Variants in NFYA observed in about 807,000 individuals in gnomAD.
NFYA encodes the protein CAAT-box DNA binding protein subunit A.
A neutral mutation model predicts 52.8 loss-of-function variants in NFYA; 28 were observed. That is an observed-to-expected ratio of 0.53 (90% CI 0.39 to 0.73). The LOEUF (loss-of-function observed/expected upper bound fraction) is 0.73. NFYA is among the 30% of genes least tolerant of loss of function. The pLI, the probability that NFYA is intolerant of heterozygous loss-of-function variation, is 0.00. For synonymous variants in NFYA, 150 were observed against 150.7 expected (o/e 1.00, Z 0.03); for missense variants, 234 against 427.0 (o/e 0.55, Z 3.98).
rs1413147930 is a variant in NFYA at position 41,098,129 on chromosome 6, T to C, written c.*719T>C. 1 of 152,762 alleles carries C rather than the reference T, an allele frequency of 6.5e-6. No individual in the cohort carries two copies. The highest frequency in any genetic ancestry group is 1.5e-5 in the Non-Finnish European group (1 of 68,110). The allele number at this position is 152,762 out of a possible 1,614,324, so 9.5% of individuals were successfully genotyped here. A position where few individuals can be genotyped will look rare whatever the true frequency, so the allele number is the denominator to read the frequency against. On this transcript the variant is annotated 3_prime_UTR_variant, in exon 10 of 10. Transcript: ENST00000341376. ...AAGTTGTGGCCTGCTTGTCCCTCTG[T>C]TGACTGGTCATCTGGACCATCGTAC...
At chr6:41,079,232 G>T in intron 2 of NFYA, 68 bp downstream of exon 2, 1 of 1,443,784 alleles carries the variant, frequency 6.9e-7, no homozygotes, top group Non-Finnish European at 9.7e-7. Context: ...CAATTGGTTG[G>T]TCTATTGCCC....
chr6:41,077,470 A>AT (rs1474425899), intron 1 of NFYA, among the ~76,000 whole-genome samples: 1 of 152,066 alleles, frequency 6.6e-6, no homozygotes, highest in Non-Finnish European at 1.5e-5. Context: ...TCTTTTGGAG[A>AT]TTTTATATAA....
At chr6:41,081,637 A>C (rs1163350449) in intron 3 of NFYA, among the ~76,000 whole-genome samples, 2 of 152,232 alleles carry the variant, frequency 1.3e-5, no homozygotes, top group African/African-American at 2.4e-5. Flanking sequence ...CTTTATTTTT[A>C]TTCAAGGGGC....
Position 41,094,439 on chromosome 6 carries a change from A to G in NFYA, c.932A>G (p.Lys311Arg). 6.2e-7 allele frequency: 1 copy of G among 1,614,224 alleles called. No homozygotes were observed. Among genetic ancestry groups the G allele is most frequent in the Non-Finnish European group, 8.5e-7 (1 of 1,180,028 alleles). The change falls in exon 9 of 10, where the codon AAG becomes AGG. Residue 311 changes from lysine to arginine, a missense_variant. By Grantham distance (26) the Lys-to-Arg change is conservative (BLOSUM62 2). This residue lies in a region of NFYA where 81 missense variants were observed against 210.5 expected (regional missense o/e 0.38). Coordinates refer to ENST00000341376, the MANE Select transcript of NFYA (RefSeq NM_002505.5). Reference sequence around the variant, plus strand: ...CGGCACCGTCATGCCATGGCACGGAAGCGTGGTGAAGGTGGACGATTTTTC... The same window carrying G: ...CGGCACCGTCATGCCATGGCACGGAGGCGTGGTGAAGGTGGACGATTTTTC... The part of the protein sequence containing the change: ...ESRHRHAMAR[K>R]RGEGGRFFSP...
In NFYA at chr6:41,091,510, T is replaced by C; in HGVS notation, c.548-18T>C. Reference sequence around the variant, plus strand: ...GTGTGCCTGTTTTTTGTTTGTTTTATGTTTTGTTTTCTTAAAGTTACAGTC... The same window carrying C: ...GTGTGCCTGTTTTTTGTTTGTTTTACGTTTTGTTTTCTTAAAGTTACAGTC... On this transcript the variant is annotated intron_variant, in intron 6 of 9. Transcript: ENST00000341376. The C allele has an allele frequency of 6.2e-7, 1 of 1,612,484 alleles. No individual in the cohort carries two copies.
chr6:41,097,351 C>T lies in NFYA; in HGVS notation c.991-6C>T, dbSNP rs1182161595. The T allele has an allele frequency of 6.2e-7, 1 of 1,613,792 alleles. No homozygotes were observed. The highest frequency in any genetic ancestry group is 2.2e-5 in the East Asian group (1 of 44,858). On this transcript the variant is annotated splice_polypyrimidine_tract_variant and splice_region_variant and intron_variant, in intron 9 of 9. Transcript: ENST00000341376. Reference sequence around the variant, plus strand: ...ACTTTAATCATCATGTCATCTTTGTCTCTAGGATCCAAACCAAGCCGATGA... The same window carrying T: ...ACTTTAATCATCATGTCATCTTTGTTTCTAGGATCCAAACCAAGCCGATGA...
intron 9 of NFYA, among the ~76,000 whole-genome samples, chr6:41,094,852 G>A (rs113096631): frequency 6.6e-5 from 10 of 152,226 alleles, no homozygotes; most frequent in South Asian, 2.1e-4. Context: ...GATGCTCTTC[G>A]TCTTTGTCAC....
chr6:41,079,251 T>A, intron 2 of NFYA, 87 bp downstream of exon 2: 1 of 1,236,882 alleles, frequency 8.1e-7, no homozygotes, highest in Non-Finnish European at 1.2e-6. Context: ...CCTGGGGAAT[T>A]ATTTGAAAGA....
chr6:41,089,464 C>CT, intron 4 of NFYA, 115 bp from the exon 5 acceptor site: 1 of 1,230,242 alleles, frequency 8.1e-7, no homozygotes, highest in Non-Finnish European at 1.1e-6. Flanking sequence ...AGCAGGACTT[C>CT]TTTTTTCCTC....
chr6:41,083,230 TGACCTGGCTCCTACA>T (rs1383197034), intron 3 of NFYA, among the ~76,000 whole-genome samples: 1 of 152,206 alleles, frequency 6.6e-6, no homozygotes, highest in Non-Finnish European at 1.5e-5. Context: ...GCACTTGTAG[TGACCTGGCTCCTACA>T]GTAGTCTGTT....
Position 41,084,051 on chromosome 6 carries a change from A to G in NFYA, c.168A>G (p.Gln56=). The change falls in exon 4 of 10, where the codon CAA becomes CAG. Residue 56 remains glutamine (Q), a synonymous_variant. Coordinates refer to ENST00000341376, the MANE Select transcript of NFYA (RefSeq NM_002505.5). ...CTTATTTTATTTCATTCTAGGTCCA[A>G]GGGCAGCCATTAATGGTGCAGGTCA... ...GQQVQTLQVV[Q]GQPLMVQVSG... 1 of 1,602,296 alleles carries G rather than the reference A, an allele frequency of 6.2e-7. No homozygotes were observed. The highest frequency in any genetic ancestry group is 8.5e-7 in the Non-Finnish European group (1 of 1,175,596).
chr6:41,095,934 C>T (rs1764345010), intron 9 of NFYA, among the ~76,000 whole-genome samples: 1 of 152,200 alleles, frequency 6.6e-6, no homozygotes, highest in African/African-American at 2.4e-5. Flanking sequence ...ACCAAGCAAT[C>T]AGTGTTTCTT....
At chr6:41,084,822 C>G (rs148084770) in intron 4 of NFYA, among the ~76,000 whole-genome samples, 2,955 of 152,228 alleles carry the variant, frequency 0.019, 89 homozygotes, top group African/African-American at 0.068. Context: ...ATTAGCCGGG[C>G]GTGGTGGCAC....
intron 1 of NFYA, among the ~76,000 whole-genome samples, chr6:41,077,173 G>T (rs974308535): frequency 2.6e-5 from 4 of 152,098 alleles, no homozygotes; most frequent in African/African-American, 9.7e-5. Context: ...GAGTTGGGGA[G>T]GCGTTGAAAC....
rs1197474850 is a variant in NFYA, at chr6:41,100,789, G to C, written c.*3379G>C. Among the ~76,000 whole-genome samples, 1 of 152,192 alleles carries C rather than the reference G, an allele frequency of 6.6e-6. No individual in the cohort carries two copies. Among genetic ancestry groups the C allele is most frequent in the African/African-American group, 2.4e-5 (1 of 41,446 alleles). On this transcript the variant is annotated 3_prime_UTR_variant, in exon 10 of 10. Transcript: ENST00000341376. ...TCCCCCGTTTCCAGTAGAAAAGACA[G>C]CTTTGCTCCTTTGAAAGCGCAGACC... is the stretch of plus-strand genomic sequence containing the variant.
In NFYA at chr6:41,098,536, T is replaced by C. The variant is rs903671131; in HGVS notation, c.*1126T>C. 4 of 152,608 alleles carry C rather than the reference T, an allele frequency of 2.6e-5. No individual in the cohort carries two copies. Among genetic ancestry groups the C allele is most frequent in the African/African-American group, 9.6e-5 (4 of 41,458 alleles). 9.5% of individuals were successfully genotyped at this position (152,608 alleles called of 1,614,324 possible). On this transcript the variant is annotated 3_prime_UTR_variant, in exon 10 of 10. Coordinates refer to ENST00000341376, the MANE Select transcript of NFYA (RefSeq NM_002505.5). The stretch of plus-strand genomic sequence containing the variant: ...GCACTGAAAGGAAGAAGCCTGAGAT[T>C]TGATCCTTGACAATTTCTGGAAAGC...
rs564321913 is a variant in NFYA at position 41,101,816 on chromosome 6, T to A, written c.*4406T>A. Among the ~76,000 whole-genome samples, 808 of 152,254 alleles carry A rather than the reference T, an allele frequency of 5.3e-3. 2 individuals carry two copies. The highest frequency in any genetic ancestry group is 0.011 in the Admixed American group (171 of 15,292). The stretch of plus-strand genomic sequence containing the variant: ...CAGCTCTTGGAAGCAGAGAGGGTGG[T>A]CCTTTGGATTCCCAGTGGCAGCAGC... On this transcript the variant is annotated 3_prime_UTR_variant, in exon 10 of 10. Transcript: ENST00000341376.
At chr6:41,079,554 AT>A (rs1266246852) in intron 2 of NFYA, among the ~76,000 whole-genome samples, 1 of 152,100 alleles carries the variant, frequency 6.6e-6, no homozygotes, top group Non-Finnish European at 1.5e-5. Context: ...CTGTTTTTTG[AT>A]TTGGTCTGCC....
At chr6:41,076,391 G>A (rs1283572148) in intron 1 of NFYA, among the ~76,000 whole-genome samples, 1 of 152,246 alleles carries the variant, frequency 6.6e-6, no homozygotes, top group African/African-American at 2.4e-5. Flanking sequence ...ACTAAGGGTT[G>A]TGGTCAAAAA....
Sources: gnomAD v4.1 joint callset for allele counts (sites outside exome capture counted in the v4.1 genomes callset) on GRCh38, gnomAD v4.1.1 for gene constraint, gnomAD v4.1.1 regional missense constraint, MANE v1.5 for transcripts, NCBI Gene and HGNC (gene_info 2026-07-23, HGNC 2026-07-21) for gene names.